The following PSMB3 variants were observed in gnomAD, a reference collection of about 807,000 sequenced individuals.
The protein encoded by PSMB3 is proteasome subunit beta type-3.
A neutral mutation model predicts 23.3 loss-of-function variants in PSMB3; 5 were observed. The ratio of observed to expected loss-of-function variants is 0.21; its 90% CI spans 0.11 to 0.45. The LOEUF (loss-of-function observed/expected upper bound fraction) is 0.45, where lower values mean the gene tolerates loss of function less well. PSMB3 is among the 20% of genes least tolerant of loss of function. PSMB3 has a pLI of 0.99. For missense variants in PSMB3, 192 were observed against 277.9 expected (o/e 0.69, Z 2.20); for synonymous variants, 85 against 99.8 (o/e 0.85, Z 0.88).
chr17:38,755,674 ATATATATATGTGTGTGTG>A (rs1908151051), intron 2 of PSMB3, among the ~76,000 whole-genome samples, 191 bp from the exon 3 acceptor site: 19 of 91,310 alleles, frequency 2.1e-4, no homozygotes, highest in South Asian at 1.9e-3. Flanking sequence ...ATATATATAT[ATATATATATGTGTGTGTG>A]TGTGTGTGTG....
At chr17:38,760,337 C>G in intron 3 of PSMB3, 94 bp from the exon 4 acceptor site, 1 of 1,403,558 alleles carries the variant, frequency 7.1e-7, no homozygotes, top group Admixed American at 2.1e-5. Context: ...CCCTTTGGGT[C>G]TGGGTCTAGG....
chr17:38,753,119 C>G (rs548827990), intron 1 of PSMB3, 31 bp from the exon 2 acceptor site: 3 of 1,577,832 alleles, frequency 1.9e-6, no homozygotes, highest in South Asian at 2.3e-5. Context: ...TTTGACCCCC[C>G]GCGCTGACCC....
At chr17:38,753,044 C>G in intron 1 of PSMB3, 106 bp from the exon 2 acceptor site, 2 of 1,341,442 alleles carry the variant, frequency 1.5e-6, no homozygotes, top group South Asian at 1.4e-5. Context: ...TCAGACGCCT[C>G]CGGAATGGAG....
chr17:38,761,071 C>T (rs1033551916), intron 4 of PSMB3, among the ~76,000 whole-genome samples: 2 of 152,030 alleles, frequency 1.3e-5, no homozygotes, highest in East Asian at 1.9e-4. Flanking sequence ...CTGAGGAAGC[C>T]GGGCGCGGTG....
intron 3 of PSMB3, among the ~76,000 whole-genome samples, chr17:38,757,034 ATTTTTTT>A (rs35172699): frequency 1.5e-5 from 1 of 65,690 alleles, no homozygotes; most frequent in Non-Finnish European, 2.6e-5. Context: ...CACCTGGCTA[ATTTTTTT>A]TTTTTTTTTT....
rs1389541116 is a variant in PSMB3 at position 38,760,416 on chromosome 17, T to C, written c.297-15T>C. ...CTTGAGTTCTGGTTTCTCTCTCTGA[T>C]GCTGGCCCCCACAGGTTTGGCCCTT... On this transcript the variant is annotated splice_polypyrimidine_tract_variant and intron_variant, in intron 3 of 5. Coordinates refer to ENST00000619426, the MANE Select transcript of PSMB3 (RefSeq NM_002795.4). 6.2e-7 allele frequency: 1 copy of C among 1,612,494 alleles called. No homozygotes were observed. The highest frequency in any genetic ancestry group is 1.1e-5 in the South Asian group (1 of 90,962).
intron 5 of PSMB3, among the ~76,000 whole-genome samples, chr17:38,762,780 T>A (rs1908498299): frequency 6.6e-6 from 1 of 152,062 alleles, no homozygotes; most frequent in African/African-American, 2.4e-5. Flanking sequence ...GTCTCAGGGA[T>A]CCGTGTTGGG....
intron 3 of PSMB3, among the ~76,000 whole-genome samples, chr17:38,757,641 C>T (rs1003718561): frequency 1.3e-5 from 2 of 151,514 alleles, no homozygotes; most frequent in East Asian, 2.0e-4. Flanking sequence ...ATGGTGAAAC[C>T]CCATCTCTAA....
At chr17:38,755,065 C>G (rs1908097308) in intron 2 of PSMB3, among the ~76,000 whole-genome samples, 2 of 151,410 alleles carry the variant, frequency 1.3e-5, no homozygotes, top group Non-Finnish European at 2.9e-5. Context: ...ACCTCCGCCT[C>G]CAAGGCTCAA....
rs747825714 is a variant in PSMB3, at chr17:38,755,949, T to C, written c.255T>C (p.Tyr85=). Residue 85 remains tyrosine (Y), a synonymous_variant, in exon 3 of 6, where the codon TAT becomes TAC. Transcript: ENST00000619426. ...AGGAAGGTCGGCAGATCAAACCTTA[T>C]ACCCTCATGAGCATGGTGGCCAACC... ...ELKEGRQIKP[Y]TLMSMVANLL... is the part of the protein sequence containing the mutation. The C allele has an allele frequency of 1.2e-6, 2 of 1,614,062 alleles. No homozygotes were observed. The highest frequency in any genetic ancestry group is 2.2e-5 in the South Asian group (2 of 91,080).
chr17:38,761,313 A>T (rs1306140081), intron 4 of PSMB3, among the ~76,000 whole-genome samples: 2 of 142,170 alleles, frequency 1.4e-5, no homozygotes, highest in African/African-American at 5.4e-5. Flanking sequence ...GTGCCATTGC[A>T]CTCCAGCCTG....
In PSMB3 at chr17:38,763,170, T is replaced by C. The variant is rs972335141; in HGVS notation, c.569+665T>C. ...TCAGGAGTCTGAGACCAGCCTAACA[T>C]GGCGAAACCCCGTTTCTACTAAAGA... On this transcript the variant is annotated intron_variant, in intron 5 of 5. Coordinates refer to ENST00000619426, the MANE Select transcript of PSMB3 (RefSeq NM_002795.4). Among the ~76,000 whole-genome samples, 11 of 152,176 alleles carry C rather than the reference T, an allele frequency of 7.2e-5. 1 individual carries two copies. The South Asian group carries it at 1.7e-3, about 23-fold the overall frequency.
chr17:38,752,923 A>G lies in PSMB3; in HGVS notation c.3+94A>G. 3 of 1,551,894 alleles carry G rather than the reference A, an allele frequency of 1.9e-6. No individual in the cohort carries two copies. The highest frequency in any genetic ancestry group is 4.5e-5 in the East Asian group (2 of 44,452). ...TGGGGACGAAAAGGGCCTAGGGTCG[A>G]TGGAAGGAAGCGGTTTCAGTTCGAG... On this transcript the variant is annotated intron_variant, in intron 1 of 5. Transcript: ENST00000619426. The surrounding 1 kb of genome is among the most constrained non-coding windows in gnomAD (Gnocchi z 5.5).
intron 3 of PSMB3, among the ~76,000 whole-genome samples, chr17:38,760,052 A>C (rs945384255): frequency 6.6e-6 from 1 of 152,204 alleles, no homozygotes. Context: ...TTTTTCATAT[A>C]AACTGCCTCC....
At chr17:38,755,676 A>ATGTGTGTGTGTGTGTGTG (rs1377200061) in intron 2 of PSMB3, among the ~76,000 whole-genome samples, 3 of 107,774 alleles carry the variant, frequency 2.8e-5, no homozygotes, top group East Asian at 5.6e-4. Flanking sequence ...ATATATATAT[A>ATGTGTGTGTGTGTGTGTG]TATATATGTG....
chr17:38,762,300 AT>A, intron 4 of PSMB3, 110 bp from the exon 5 acceptor site: 1 of 870,758 alleles, frequency 1.1e-6, no homozygotes. Context: ...TACTTCAGGC[AT>A]GTCTTGGGGC....
intron 3 of PSMB3, among the ~76,000 whole-genome samples, chr17:38,759,380 T>A (rs1697849120): frequency 1.3e-5 from 2 of 152,176 alleles, no homozygotes; most frequent in Non-Finnish European, 1.5e-5. Context: ...TACCACAAAT[T>A]GCTAGCCTGG....
intron 3 of PSMB3, among the ~76,000 whole-genome samples, chr17:38,759,906 C>T (rs564119578): frequency 3.7e-4 from 57 of 152,260 alleles, no homozygotes; most frequent in Non-Finnish European, 6.6e-4. Context: ...GCTGCCATTT[C>T]CTTTTGACAA....
chr17:38,763,497 CTTTTTTTTTTTTT>C (rs67563765), intron 5 of PSMB3, among the ~76,000 whole-genome samples: 1 of 76,032 alleles, frequency 1.3e-5, no homozygotes, highest in Non-Finnish European at 2.4e-5. Flanking sequence ...CTTCTTCCCC[CTTTTTTTTTTTTT>C]TTTTTTTTTG....
Sources: allele counts gnomAD v4.1 joint callset (sites outside exome capture counted in the v4.1 genomes callset), GRCh38; gene constraint gnomAD v4.1.1; non-coding constraint Gnocchi (gnomAD v3.1); transcripts MANE v1.5; gene names NCBI Gene and HGNC (gene_info 2026-07-23, HGNC 2026-07-21).